Variants in NBAS observed in about 807,000 individuals in gnomAD.
The protein encoded by NBAS is NBAS subunit of NRZ tethering complex, also known as NAG/BC035112 fusion.
NBAS carries 219 observed loss-of-function variants against 302.5 expected under a neutral mutation model. The observed-to-expected ratio is 0.72, with a 90% CI of 0.65 to 0.81. The LOEUF (loss-of-function observed/expected upper bound fraction) is 0.81, where lower values mean the gene tolerates loss of function less well. Ranked by LOEUF, NBAS falls within the 30% of genes least tolerant of loss-of-function variation. The pLI is 0.00. For missense variants in NBAS, 2,932 were observed against 2,841.6 expected (o/e 1.03, Z -0.72); for synonymous variants, 1,118 against 1,021.6 (o/e 1.09, Z -1.80).
the NBAS span, among the ~76,000 whole-genome samples, chr2:14,867,290 A>G: frequency 2.0e-5 from 3 of 152,176 alleles, no homozygotes; most frequent in Admixed American, 6.6e-5. Context: ...CTTTGTCTCT[A>G]CATCATGGCT....
At chr2:14,912,210 G>T in the NBAS span, among the ~76,000 whole-genome samples, 3 of 152,170 alleles carry the variant, frequency 2.0e-5, no homozygotes, top group African/African-American at 7.2e-5. Context: ...TGTATATGCA[G>T]TCTGTCATTG....
In NBAS at chr2:15,394,267, G is replaced by A. The variant is rs147322367; in HGVS notation, c.3217C>T (p.Arg1073Cys). 5.1e-3 allele frequency: 8,271 copies of A among 1,612,256 alleles called. 34 individuals carry two copies. Among genetic ancestry groups the A allele is most frequent in the Middle Eastern group, 7.9e-3 (48 of 6,058 alleles). ...CTCGTCAATCTAACCATCAGCTTGCGTGCCTCTTCTGAGCTAGATTGAGTG... is the reference window on the plus strand; with the variant it reads ...CTCGTCAATCTAACCATCAGCTTGCATGCCTCTTCTGAGCTAGATTGAGTG... ...KNTQSSSEEA[R>C]KLMVRLTRHT... The change falls in exon 28 of 52, where the codon CGC (arginine) becomes TGC (cysteine). Residue 1073 changes from arginine to cysteine, a missense_variant. By Grantham distance (180) the Arg-to-Cys change is radical. Coordinates refer to ENST00000281513, the MANE Select transcript of NBAS (RefSeq NM_015909.4).
chr2:14,896,136 C>A, the NBAS span, among the ~76,000 whole-genome samples: 1 of 151,934 alleles, frequency 6.6e-6, no homozygotes, highest in Non-Finnish European at 1.5e-5. Context: ...CCACGTAGTA[C>A]AAATTACCTG....
Position 15,539,353 on chromosome 2 carries a change from G to C in NBAS, c.383C>G (p.Pro128Arg). The change falls in exon 7 of 52, where the codon CCG becomes CGG. Residue 128 changes from proline (P) to arginine (R), a missense_variant. By Grantham distance (103) the Pro-to-Arg change is moderately radical. Transcript: ENST00000281513. ...TCTCCACTGGGGTTTCGGGTCTTTC[G>C]GAACTAGAACAAAAGAAAACAAGAG... Reference protein sequence around the residue: ...FTSIIGKCQVPKDPKPQWRRV... With the variant: ...FTSIIGKCQVRKDPKPQWRRV... 1 of 1,614,044 alleles carries C rather than the reference G, an allele frequency of 6.2e-7. No homozygotes were observed. The highest frequency in any genetic ancestry group is 1.1e-5 in the South Asian group (1 of 91,076).
rs983667893 is a variant in NBAS at position 15,293,924 on chromosome 2, A to C, written c.4798-1158T>G. Among the ~76,000 whole-genome samples the C allele has an allele frequency of 2.0e-5, 3 of 152,032 alleles. No homozygotes were observed. The East Asian group carries it at 5.8e-4, about 29-fold the overall frequency. On this transcript the variant is annotated intron_variant, in intron 40 of 51. Coordinates refer to ENST00000281513, the MANE Select transcript of NBAS (RefSeq NM_015909.4). ...TCTTACTATATTTATTTTTTTCCCT[A>C]CCTCTATGCATACACTGAGTCCTAC...
At chr2:15,327,945 T>C (rs1428692449) in intron 37 of NBAS, 75 bp from the exon 38 acceptor site, 34 of 1,566,088 alleles carry the variant, frequency 2.2e-5, no homozygotes, top group South Asian at 2.0e-4. Flanking sequence ...AAAACAATTA[T>C]AGGATGTTAT....
At chr2:15,017,765 A>T in the NBAS span, among the ~76,000 whole-genome samples, 1 of 152,108 alleles carries the variant, frequency 6.6e-6, no homozygotes, top group Non-Finnish European at 1.5e-5. Flanking sequence ...TACAAATAGA[A>T]CTACCATATG....
the NBAS span, among the ~76,000 whole-genome samples, chr2:14,915,897 C>T: frequency 0.014 from 2,111 of 152,184 alleles, 21 homozygotes; most frequent in Non-Finnish European, 0.02. Flanking sequence ...TCTGCACAAG[C>T]CCTCTCTTTG....
chr2:15,555,491 A>T (rs1664604134), intron 3 of NBAS, among the ~76,000 whole-genome samples: 1 of 152,128 alleles, frequency 6.6e-6, no homozygotes. Flanking sequence ...TAGCTGATAC[A>T]GGTTTATTAT....
chr2:15,534,384 T>C (rs1463826219), intron 9 of NBAS, among the ~76,000 whole-genome samples, 159 bp downstream of exon 9: 1 of 152,120 alleles, frequency 6.6e-6, no homozygotes, highest in Non-Finnish European at 1.5e-5. Flanking sequence ...TAGATAAGCA[T>C]GAATAATCAG....
chr2:15,244,834 C>T (rs1221573915), intron 44 of NBAS, among the ~76,000 whole-genome samples: 3 of 152,130 alleles, frequency 2.0e-5, no homozygotes, highest in African/African-American at 7.2e-5. Flanking sequence ...GTGGTTTCTA[C>T]CACACATCTT....
chr2:15,430,404 T>C (rs1418530709), intron 21 of NBAS, among the ~76,000 whole-genome samples: 2 of 152,148 alleles, frequency 1.3e-5, no homozygotes, highest in Non-Finnish European at 2.9e-5. Flanking sequence ...AGCATTACTA[T>C]TACTACTACT....
chr2:14,800,425 G>A, the NBAS span, among the ~76,000 whole-genome samples: 1 of 152,170 alleles, frequency 6.6e-6, no homozygotes, highest in African/African-American at 2.4e-5. Context: ...TGCTTCCCCA[G>A]CCATGTGGAA....
chr2:15,352,872 C>T (rs1037316528), intron 34 of NBAS, among the ~76,000 whole-genome samples: 8 of 152,024 alleles, frequency 5.3e-5, no homozygotes, highest in African/African-American at 1.9e-4. Context: ...ACTGTCTTTC[C>T]CTGGTGCTGG....
At chr2:15,383,074 T>C in intron 29 of NBAS, 141 bp downstream of exon 29, 2 of 693,712 alleles carry the variant, frequency 2.9e-6, no homozygotes, top group East Asian at 5.6e-5. Context: ...GTGCTCAACC[T>C]ATAAAGCACT....
At chr2:14,901,785 C>T in the NBAS span, among the ~76,000 whole-genome samples, 1 of 152,182 alleles carries the variant, frequency 6.6e-6, no homozygotes, top group Non-Finnish European at 1.5e-5. Context: ...AGGAATCAGA[C>T]TAGAGTTAGC....
At chr2:14,973,832 C>T in the NBAS span, among the ~76,000 whole-genome samples, 1 of 152,166 alleles carries the variant, frequency 6.6e-6, no homozygotes, top group Admixed American at 6.5e-5. Flanking sequence ...TAGCAGAATG[C>T]TTTCTGTTGC....
intron 47 of NBAS, among the ~76,000 whole-genome samples, chr2:15,230,184 C>G (rs1488773289): frequency 6.6e-6 from 1 of 152,070 alleles, no homozygotes; most frequent in Non-Finnish European, 1.5e-5. Context: ...GACAGCATTA[C>G]TTTCAAAATC....
intron 25 of NBAS, among the ~76,000 whole-genome samples, chr2:15,407,077 G>C (rs1043777014): frequency 5.3e-5 from 8 of 152,176 alleles, no homozygotes; most frequent in African/African-American, 1.7e-4. Context: ...TGTGGACAAG[G>C]TTATTCATTG....
Sources: gnomAD v4.1 joint callset for allele counts (sites outside exome capture counted in the v4.1 genomes callset) on GRCh38, gnomAD v4.1.1 for gene constraint, MANE v1.5 for transcripts, NCBI Gene and HGNC (gene_info 2026-07-23, HGNC 2026-07-21) for gene names.